Variants in ABCA13 observed in about 807,000 individuals in gnomAD.
ABCA13 encodes the protein ATP-binding cassette sub-family A member 13.
A neutral mutation model predicts 478.7 loss-of-function variants in ABCA13; 476 were observed. The observed-to-expected ratio is 0.99, with a 90% CI of 0.92 to 1.07. The LOEUF is 1.07. Among genes scored for constraint, ABCA13 ranks in the 50% least tolerant of loss-of-function variants. The pLI, the probability that ABCA13 is intolerant of heterozygous loss-of-function variation, is 0.00. For synonymous variants in ABCA13, 2,252 were observed against 2,158.9 expected (o/e 1.04, Z -1.20); for missense variants, 6,060 against 5,910.6 (o/e 1.03, Z -0.83).
chr7:48,617,898 T>A (rs996900509), intron 59 of ABCA13, among the ~76,000 whole-genome samples: 1 of 151,934 alleles, frequency 6.6e-6, no homozygotes, highest in South Asian at 2.1e-4. Flanking sequence ...CACAGAAATA[T>A]AGAGGGAAGA....
chr7:48,446,387 TAA>T (rs1233064863), intron 42 of ABCA13, among the ~76,000 whole-genome samples: 23 of 116,984 alleles, frequency 2.0e-4, no homozygotes, highest in Non-Finnish European at 3.2e-4. Context: ...TCATGCCCTT[TAA>T]AAAAAAAAAA....
chr7:48,307,882 C>A (rs2128874517), intron 23 of ABCA13, among the ~76,000 whole-genome samples: 1 of 152,188 alleles, frequency 6.6e-6, no homozygotes, highest in East Asian at 1.9e-4. Flanking sequence ...CAGGGTTTCA[C>A]CATGTTGACC....
At chr7:48,292,701 G>C (rs553105975) in intron 20 of ABCA13, among the ~76,000 whole-genome samples, 1 of 152,270 alleles carries the variant, frequency 6.6e-6, no homozygotes, top group East Asian at 1.9e-4. Flanking sequence ...ATGATGATAA[G>C]GAGGGTTGTA....
Position 48,455,247 on chromosome 7 carries a change from C to T in ABCA13, c.12776C>T (p.Thr4259Ile), listed in dbSNP as rs759902718. 5.0e-6 allele frequency: 8 copies of T among 1,606,122 alleles called. No homozygotes were observed. The East Asian group carries it at 1.8e-4, about 36-fold the overall frequency. Residue 4259 changes from threonine to isoleucine, a missense_variant, in exon 43 of 62, where the codon ACA becomes ATA. By Grantham distance (89) the Thr-to-Ile change is moderately conservative. Coordinates refer to ENST00000435803, the MANE Select transcript of ABCA13 (RefSeq NM_152701.5). ...LATEYPPLRL[T>I]PGHYQRAETY... is the part of the protein sequence containing the mutation. The stretch of plus-strand genomic sequence containing the variant: ...ACCGAGTACCCTCCCCTCAGACTCA[C>T]ACCTGGACATTACCAGCGGGCCGAG...
chr7:48,200,136 G>A (rs1472870394), intron 3 of ABCA13, among the ~76,000 whole-genome samples: 8 of 151,912 alleles, frequency 5.3e-5, no homozygotes, highest in African/African-American at 1.2e-4. Flanking sequence ...AGGCCGAGGC[G>A]GGCAGATCAC....
chr7:48,281,713 T>C (rs1797070699), intron 19 of ABCA13, among the ~76,000 whole-genome samples: 1 of 152,140 alleles, frequency 6.6e-6, no homozygotes, highest in African/African-American at 2.4e-5. Flanking sequence ...GGAATGTGCT[T>C]CCCTTGTCTT....
chr7:48,346,199 A>G (rs543313955), intron 29 of ABCA13, among the ~76,000 whole-genome samples: 3 of 152,278 alleles, frequency 2.0e-5, no homozygotes, highest in Admixed American at 2.0e-4. Flanking sequence ...TGATTAAGTG[A>G]TGCATGGCTG....
intron 15 of ABCA13, among the ~76,000 whole-genome samples, chr7:48,261,920 T>C (rs1794239189): frequency 1.3e-5 from 2 of 151,956 alleles, no homozygotes; most frequent in African/African-American, 4.8e-5. Flanking sequence ...GAGACATCAC[T>C]CTAGGATAAT....
chr7:48,254,229 C>A (rs1699662290), intron 15 of ABCA13, among the ~76,000 whole-genome samples: 2 of 151,610 alleles, frequency 1.3e-5, no homozygotes, highest in South Asian at 4.2e-4. Flanking sequence ...TATGCTTTTC[C>A]TATTTTTTTC....
chr7:48,467,703 T>G (rs975361496), intron 44 of ABCA13, among the ~76,000 whole-genome samples: 6 of 152,184 alleles, frequency 3.9e-5, no homozygotes, highest in African/African-American at 1.4e-4. Flanking sequence ...TTTACAGTTC[T>G]GGGTAGAGCA....
In ABCA13 at chr7:48,587,198, G is replaced by A. The variant is rs547381290; in HGVS notation, c.14550G>A (p.Ala4850=). 1.3e-5 allele frequency: 21 copies of A among 1,612,818 alleles called. No homozygotes were observed. The highest frequency in any genetic ancestry group is 3.3e-5 in the Admixed American group (2 of 59,896). The change falls in exon 57 of 62, where the codon GCG becomes GCA. Residue 4850 remains alanine, a synonymous_variant. Coordinates refer to ENST00000435803, the MANE Select transcript of ABCA13 (RefSeq NM_152701.5). ...LIRRLHLEAH[A]DKPVATYSGG... ...GGCGCTTACACCTCGAAGCCCACGC[G>A]GACAAACCTGTGGCCACCTACAGTG...
chr7:48,221,134 T>C (rs1030725839), intron 4 of ABCA13, 147 bp from the exon 5 acceptor site: 2 of 483,514 alleles, frequency 4.1e-6, no homozygotes, highest in East Asian at 3.8e-5. Context: ...CTTATGAAGA[T>C]AGATTTATTC....
Position 48,524,379 on chromosome 7 carries a change from G to A in ABCA13, c.14183G>A (p.Arg4728Gln), listed in dbSNP as rs766502956. ...LVLYNLSKHYRRFFQNIIAVQ... is the reference protein window; with the variant it reads ...LVLYNLSKHYQRFFQNIIAVQ... ...TTATACAACCTTAGTAAACATTATC[G>A]ACGCTTTTTCCAGAATATTATTGCT... is the stretch of plus-strand genomic sequence containing the variant. The change falls in exon 54 of 62, where the codon CGA becomes CAA. Residue 4728 changes from arginine to glutamine, a missense_variant. By Grantham distance (43) the Arg-to-Gln change is conservative. Around this residue, in one of 3 missense-constraint regions of ABCA13, gnomAD observed 1,627 missense variants for 1,571.0 expected, o/e 1.04. Transcript: ENST00000435803. The A allele has an allele frequency of 1.4e-5, 22 of 1,612,956 alleles. No homozygotes were observed. Among genetic ancestry groups the A allele is most frequent in the South Asian group, 1.3e-4 (12 of 90,954 alleles).
intron 7 of ABCA13, among the ~76,000 whole-genome samples, chr7:48,232,164 T>TTTTTTTTTTTC (rs1554360466): frequency 7.5e-6 from 1 of 132,830 alleles, no homozygotes; most frequent in African/African-American, 2.8e-5. Flanking sequence ...TTTTTTTTTT[T>TTTTTTTTTTTC]AGCTTTCTGT....
chr7:48,362,409 C>CTTTTTTTTTTTTTTTTTTTTT (rs35795708), intron 31 of ABCA13, among the ~76,000 whole-genome samples: 2 of 86,006 alleles, frequency 2.3e-5, no homozygotes, highest in Non-Finnish European at 4.4e-5. Flanking sequence ...TCCTCTTCTT[C>CTTTTTTTTTTTTTTTTTTTTT]TTTTTTTTTT....
In ABCA13 at chr7:48,437,163, C is replaced by A. The variant is rs1199161992; in HGVS notation, c.12565+9292C>A. 3.3e-5 allele frequency among the ~76,000 whole-genome samples: 5 copies of A among 151,932 alleles called. No individual in the cohort carries two copies. The East Asian group carries it at 9.6e-4, about 29-fold the overall frequency. On this transcript the variant is annotated intron_variant, in intron 42 of 61. Coordinates refer to ENST00000435803, the MANE Select transcript of ABCA13 (RefSeq NM_152701.5). ...TATAGTGCTATTTTTCCCTTCATTTCTGCCAGTATTTGCTTCATATGTTAT... is the reference window on the plus strand; with the variant it reads ...TATAGTGCTATTTTTCCCTTCATTTATGCCAGTATTTGCTTCATATGTTAT...
chr7:48,636,786 G>A (rs1223031453), intron 59 of ABCA13, among the ~76,000 whole-genome samples: 1 of 152,206 alleles, frequency 6.6e-6, no homozygotes, highest in Admixed American at 6.5e-5. Flanking sequence ...CCCCTCTTGT[G>A]CCCCTGGCTG....
chr7:48,297,267 G>A lies in ABCA13; in HGVS notation c.9155G>A (p.Gly3052Glu). 1.2e-6 allele frequency: 2 copies of A among 1,609,306 alleles called. No homozygotes were observed. The highest frequency in any genetic ancestry group is 1.3e-5 in the African/African-American group (1 of 74,962). Residue 3052 changes from glycine (G) to glutamate (E), a missense_variant, in exon 22 of 62, where the codon GGG becomes GAG. Physicochemically the swap from Gly to Glu is moderately conservative, Grantham distance 98 (BLOSUM62 -2). Transcript: ENST00000435803. ...AGCCTCGAGGAAACTTGGTCATCAG[G>A]GAATCCCATCATGACTTTTCTCAGC... ...AKSLEETWSS[G>E]NPIMTFLSNF...
chr7:48,512,957 T>G (rs899234673), intron 51 of ABCA13, among the ~76,000 whole-genome samples: 14 of 152,204 alleles, frequency 9.2e-5, no homozygotes, highest in South Asian at 4.1e-4. Context: ...AAGGAAAGTT[T>G]ATCAGGGTCA....
Sources: gnomAD v4.1 joint callset for allele counts (sites outside exome capture counted in the v4.1 genomes callset) on GRCh38, gnomAD v4.1.1 for gene constraint, gnomAD v4.1.1 regional missense constraint, MANE v1.5 for transcripts, NCBI Gene and HGNC (gene_info 2026-07-23, HGNC 2026-07-21) for gene names.